Variants in EYS observed in about 807,000 individuals in gnomAD.
EYS encodes the protein EGF-like photoreceptor maintenance factor.
In EYS, 250 loss-of-function variants were observed where a neutral mutation model predicts 282.1. The ratio of observed to expected loss-of-function variants is 0.89; its 90% CI spans 0.80 to 0.98. The LOEUF (loss-of-function observed/expected upper bound fraction) is 0.98, where lower values mean the gene tolerates loss of function less well. Among genes scored for constraint, EYS ranks in the 50% least tolerant of loss-of-function variants. EYS has a pLI of 0.00. For synonymous variants in EYS, 1,355 were observed against 1,282.9 expected (o/e 1.06, Z -1.20); for missense variants, 4,016 against 3,709.0 (o/e 1.08, Z -2.15).
At chr6:64,919,619 A>G (rs1768275720) in intron 15 of EYS, among the ~76,000 whole-genome samples, 1 of 151,960 alleles carries the variant, frequency 6.6e-6, no homozygotes, top group Admixed American at 6.6e-5. Context: ...TTTCAATTGG[A>G]AGAATTATAA....
chr6:64,133,513 CACAG>C (rs1201078772), intron 31 of EYS, among the ~76,000 whole-genome samples: 3 of 149,698 alleles, frequency 2.0e-5, no homozygotes, highest in African/African-American at 7.5e-5. Context: ...CACACACACA[CACAG>C]AGAAATCCAT....
chr6:64,655,115 G>A (rs1768700970), intron 22 of EYS, among the ~76,000 whole-genome samples: 1 of 152,080 alleles, frequency 6.6e-6, no homozygotes, highest in Admixed American at 6.6e-5. Flanking sequence ...CTCACCTGCA[G>A]CCCTCTTCCT....
At chr6:63,826,846 A>AAAAAAAAAAAAAAAAAAAGAAAAAAAC (rs1771479540) in intron 36 of EYS, among the ~76,000 whole-genome samples, 2 of 2,620 alleles carry the variant, frequency 7.6e-4, no homozygotes, top group African/African-American at 1.4e-3. Context: ...GTTAAAAAGC[A>AAAAAAAAAAAAAAAAAAAGAAAAAAAC]AAAAAAAAAA....
intron 22 of EYS, among the ~76,000 whole-genome samples, chr6:64,633,720 G>T (rs1157396440): frequency 6.6e-6 from 1 of 151,740 alleles, no homozygotes; most frequent in Non-Finnish European, 1.5e-5. Flanking sequence ...CTCTTGTGCA[G>T]GCAAGCTAGA....
chr6:65,247,147 A>C (rs189698596), intron 12 of EYS, among the ~76,000 whole-genome samples: 1 of 152,222 alleles, frequency 6.6e-6, no homozygotes, highest in Admixed American at 6.5e-5. Flanking sequence ...GCAAATGAAT[A>C]AGCTGTATCG....
intron 12 of EYS, among the ~76,000 whole-genome samples, chr6:65,161,668 G>A (rs1442610828): frequency 1.3e-5 from 2 of 151,092 alleles, no homozygotes; most frequent in Non-Finnish European, 3.0e-5. Flanking sequence ...TTATCTCAAA[G>A]AGATGTTCTG....
At chr6:65,386,786 A>G (rs1472772334) in intron 7 of EYS, among the ~76,000 whole-genome samples, 2 of 151,998 alleles carry the variant, frequency 1.3e-5, no homozygotes, top group Non-Finnish European at 2.9e-5. Context: ...TGTTTTAAAT[A>G]CAGGGGGAGA....
intron 31 of EYS, among the ~76,000 whole-genome samples, chr6:64,110,043 C>T (rs974973475): frequency 2.6e-5 from 4 of 152,026 alleles, no homozygotes; most frequent in African/African-American, 9.7e-5. Context: ...GGCTGGTAGG[C>T]TCCCTGTCTT....
chr6:65,259,841 A>T (rs1201581585), intron 12 of EYS, among the ~76,000 whole-genome samples: 1 of 152,098 alleles, frequency 6.6e-6, no homozygotes, highest in Non-Finnish European at 1.5e-5. Context: ...AAGACCCAGG[A>T]TACATAGTGA....
intron 2 of EYS, among the ~76,000 whole-genome samples, chr6:65,542,752 T>C (rs1326594174): frequency 1.3e-5 from 2 of 152,128 alleles, no homozygotes; most frequent in African/African-American, 4.8e-5. Flanking sequence ...AACCTTGATA[T>C]TGGCAACATT....
In EYS at chr6:65,162,621, T is replaced by A. The variant is rs190427770; in HGVS notation, c.2024-104894A>T. Among the ~76,000 whole-genome samples the A allele has an allele frequency of 8.2e-3, 1,222 of 149,082 alleles. 20 individuals are homozygous for A. The highest frequency in any genetic ancestry group is 0.029 in the African/African-American group (1,155 of 39,582). On this transcript the variant is annotated intron_variant, in intron 12 of 42. Transcript: ENST00000503581. ...TGGCTATTTTATTTTATTTTATTTTTTTGGCTACTTTAAAACTATTACATA... is the reference window on the plus strand; with the variant it reads ...TGGCTATTTTATTTTATTTTATTTTATTGGCTACTTTAAAACTATTACATA...
intron 39 of EYS, among the ~76,000 whole-genome samples, chr6:63,780,671 G>A (rs1378320196): frequency 6.6e-6 from 1 of 152,028 alleles, no homozygotes; most frequent in Non-Finnish European, 1.5e-5. Context: ...TGGGTAGATT[G>A]CAAAAATTTT....
intron 23 of EYS, among the ~76,000 whole-genome samples, chr6:64,620,552 C>T (rs900347824): frequency 1.3e-5 from 2 of 152,128 alleles, no homozygotes; most frequent in Non-Finnish European, 2.9e-5. Flanking sequence ...CAGGAAACCA[C>T]ACTACATGGG....
chr6:64,259,650 G>GCGTACA (rs140354088), intron 30 of EYS, among the ~76,000 whole-genome samples: 1 of 145,604 alleles, frequency 6.9e-6, no homozygotes, highest in Non-Finnish European at 1.5e-5. Flanking sequence ...TTACACACGC[G>GCGTACA]CACACACACA....
intron 2 of EYS, among the ~76,000 whole-genome samples, chr6:65,599,874 T>C (rs1485555020): frequency 6.6e-6 from 1 of 152,034 alleles, no homozygotes; most frequent in Non-Finnish European, 1.5e-5. Context: ...ATACCTTGAG[T>C]GCTATGTCCT....
Position 64,874,947 on chromosome 6 carries a change from AGCTCATTCCAAATGCAGTACT to A in EYS, c.2992+11729_2992+11749del, listed in dbSNP as rs374160375. ...GAGGCGAGCTGAGATCACTCAGTAC[AGCTCATTCCAAATGCAGTACT>A]GCTCATTCCAAATGCAACTGAAATC... is the stretch of plus-strand genomic sequence containing the variant. On this transcript the variant is annotated intron_variant, in intron 19 of 42. Coordinates refer to ENST00000503581, the MANE Select transcript of EYS (RefSeq NM_001142800.2). Among the ~76,000 whole-genome samples, 1,426 of 152,194 alleles carry A rather than the reference AGCTCATTCCAAATGCAGTACT, an allele frequency of 9.4e-3. 20 individuals carry two copies. Among genetic ancestry groups the A allele is most frequent in the African/African-American group, 0.033 (1,357 of 41,550 alleles).
chr6:65,332,638 T>C (rs1769837784), intron 11 of EYS, among the ~76,000 whole-genome samples: 1 of 151,378 alleles, frequency 6.6e-6, no homozygotes, highest in Admixed American at 6.6e-5. Context: ...TGTTGTAATA[T>C]TGGCCTCATA....
At chr6:64,851,011 T>G (rs1562225009) in intron 19 of EYS, among the ~76,000 whole-genome samples, 1 of 152,122 alleles carries the variant, frequency 6.6e-6, no homozygotes, top group Non-Finnish European at 1.5e-5. Flanking sequence ...CCCAGCAGTT[T>G]AAACTTGTGT....
intron 35 of EYS, among the ~76,000 whole-genome samples, chr6:63,942,428 A>G (rs1033479603): frequency 2.0e-5 from 3 of 152,194 alleles, no homozygotes; most frequent in Non-Finnish European, 4.4e-5. Flanking sequence ...GAAATTCAAC[A>G]GCTTAGTAGA....
Sources: gnomAD v4.1 joint callset for allele counts (sites outside exome capture counted in the v4.1 genomes callset) on GRCh38, gnomAD v4.1.1 for gene constraint, MANE v1.5 for transcripts, NCBI Gene and HGNC (gene_info 2026-07-23, HGNC 2026-07-21) for gene names.